The following PCDHGA4 variants were observed in gnomAD, a reference collection of about 807,000 sequenced individuals.
PCDHGA4 encodes protocadherin gamma subfamily A, 4, also known as protocadherin gamma-A4.
A neutral mutation model predicts 54.6 loss-of-function variants in PCDHGA4; 38 were observed. The observed-to-expected ratio is 0.70, with a 90% confidence interval of 0.54 to 0.91. PCDHGA4 has a LOEUF of 0.91. Among genes scored for constraint, PCDHGA4 ranks in the 40% least tolerant of loss-of-function variants. The pLI, the probability that PCDHGA4 is intolerant of heterozygous loss-of-function variation, is 0.00. For missense variants in PCDHGA4, 1,298 were observed against 1,220.9 expected (o/e 1.06, Z -0.94); for synonymous variants, 511 against 512.9 (o/e 1.00, Z 0.05).
intron 1 of PCDHGA4, chr5:141,419,596 G>T: frequency 6.2e-7 from 1 of 1,611,682 alleles, no homozygotes; most frequent in Non-Finnish European, 8.5e-7. Flanking sequence ...ACACAGTGCC[G>T]CGGGCCGCGC....
chr5:141,427,697 A>G (rs1306378691), intron 1 of PCDHGA4: 3 of 924,392 alleles, frequency 3.2e-6, no homozygotes, highest in South Asian at 1.4e-5. Context: ...CCATCCCACA[A>G]GTCAGCGCCT....
intron 1 of PCDHGA4, chr5:141,371,065 G>GT (rs1255340966): frequency 2.5e-6 from 4 of 1,613,804 alleles, no homozygotes; most frequent in Non-Finnish European, 2.5e-6. Flanking sequence ...TCCAGAAGCT[G>GT]TACCACCCAG....
chr5:141,370,950 C>G (rs78666647), intron 1 of PCDHGA4: 1 of 1,614,002 alleles, frequency 6.2e-7, no homozygotes, highest in South Asian at 1.1e-5. Flanking sequence ...GAAGGAGAAC[C>G]TGGATGGCAG....
chr5:141,403,956 T>A (rs375951516), intron 1 of PCDHGA4: 6 of 1,613,884 alleles, frequency 3.7e-6, no homozygotes, highest in Non-Finnish European at 5.1e-6. Flanking sequence ...AAAGTGCTCA[T>A]TTCGGTGGAA....
intron 1 of PCDHGA4, chr5:141,404,337 C>T (rs766940096): frequency 5.0e-6 from 8 of 1,613,902 alleles, no homozygotes; most frequent in Admixed American, 1.7e-5. Flanking sequence ...GTCTACCTCC[C>T]GGAAAACAAC....
At chr5:141,379,815 T>C (rs1489145506) in intron 1 of PCDHGA4, among the ~76,000 whole-genome samples, 2 of 150,388 alleles carry the variant, frequency 1.3e-5, no homozygotes, top group South Asian at 2.1e-4. Context: ...GAGTTCAGTA[T>C]AGAATTTTGA....
intron 1 of PCDHGA4, chr5:141,372,339 G>A (rs751001716): frequency 6.2e-7 from 1 of 1,613,798 alleles, no homozygotes; most frequent in South Asian, 1.1e-5. Flanking sequence ...TGTGCGTGAT[G>A]GAGGACAGCA....
At position 141,489,783 on chromosome 5, in the gene PCDHGA4, T is replaced by C; in HGVS notation, c.2515-5024T>C. The C allele has an allele frequency of 6.2e-7, 1 of 1,614,164 alleles. No individual in the cohort carries two copies. On this transcript the variant is annotated intron_variant, in intron 1 of 3. Transcript: ENST00000571252. The surrounding 1 kb of genome is among the most constrained non-coding windows in gnomAD (Gnocchi z 4.5). ...GCCCCAACAGCCACTTCTCTCTGAA[T>C]GTGAAGACCCTAAAAGATGGGAAGC... is the stretch of plus-strand genomic sequence containing the variant.
At chr5:141,403,721 C>G (rs748888364) in intron 1 of PCDHGA4, 2 of 1,613,872 alleles carry the variant, frequency 1.2e-6, no homozygotes, top group East Asian at 2.2e-5. Flanking sequence ...GAACGTGCCC[C>G]CAGGCACCTG....
chr5:141,371,078 C>T lies in PCDHGA4; in HGVS notation c.2514+13457C>T, dbSNP rs776361776. Reference sequence around the variant, plus strand: ...CCTCCAGAAGCTGTACCACCCAGATCAGGGTAATTGTCGCAGATGCAAATG... The same window carrying T: ...CCTCCAGAAGCTGTACCACCCAGATTAGGGTAATTGTCGCAGATGCAAATG... On this transcript the variant is annotated intron_variant, in intron 1 of 3. Transcript: ENST00000571252. 1.9e-6 allele frequency: 3 copies of T among 1,613,770 alleles called. No homozygotes were observed. In the African/African-American group the frequency reaches 4.0e-5, roughly 22 times the overall value.
chr5:141,384,337 G>A (rs370533196), intron 1 of PCDHGA4: 1 of 1,613,832 alleles, frequency 6.2e-7, no homozygotes, highest in Non-Finnish European at 8.5e-7. Flanking sequence ...ACAGGACCAC[G>A]ACAGTGAGGA....
chr5:141,417,830 G>C (rs2096166388), intron 1 of PCDHGA4: 1 of 1,527,028 alleles, frequency 6.5e-7, no homozygotes, highest in African/African-American at 1.4e-5. Flanking sequence ...AACTGGAAAA[G>C]CGGGGACCCA....
chr5:141,415,293 C>G, intron 1 of PCDHGA4: 1 of 1,614,192 alleles, frequency 6.2e-7, no homozygotes, highest in Non-Finnish European at 8.5e-7. Flanking sequence ...CGGTCTCCTG[C>G]GTCTTCCTGG....
chr5:141,487,748 T>A lies in PCDHGA4; in HGVS notation c.2515-7059T>A, dbSNP rs1458153935. ...TGTCACCATTTTTGTAAGAGGTAACTATGTGGTAGACGCTGTGCTTTGTAA... is the reference window on the plus strand; with the variant it reads ...TGTCACCATTTTTGTAAGAGGTAACAATGTGGTAGACGCTGTGCTTTGTAA... On this transcript the variant is annotated intron_variant, in intron 1 of 3. Transcript: ENST00000571252. This position sits in a 1 kb window ranked among gnomAD's most constrained non-coding sequence, Gnocchi z 5.0. 6.4e-7 allele frequency: 1 copy of A among 1,557,554 alleles called. No homozygotes were observed. The highest frequency in any genetic ancestry group is 1.2e-5 in the South Asian group (1 of 84,814).
At chr5:141,407,261 C>G (rs1396861077) in intron 1 of PCDHGA4, among the ~76,000 whole-genome samples, 1 of 152,128 alleles carries the variant, frequency 6.6e-6, no homozygotes, top group Non-Finnish European at 1.5e-5. Flanking sequence ...TATTTTTAAC[C>G]ATGCAACAAG....
chr5:141,447,919 C>G (rs940570932), intron 1 of PCDHGA4, among the ~76,000 whole-genome samples: 2 of 152,012 alleles, frequency 1.3e-5, no homozygotes, highest in East Asian at 1.9e-4. Context: ...AACTCTGTCT[C>G]CACTAAAAAT....
At chr5:141,374,566 T>C (rs368553948) in intron 1 of PCDHGA4, 21 of 1,613,582 alleles carry the variant, frequency 1.3e-5, no homozygotes, top group South Asian at 3.3e-5. Flanking sequence ...ATGACCCTGA[T>C]GTGGGAATGA....
intron 1 of PCDHGA4, among the ~76,000 whole-genome samples, chr5:141,429,564 C>A (rs995466828): frequency 2.0e-5 from 3 of 152,092 alleles, no homozygotes; most frequent in African/African-American, 7.2e-5. Flanking sequence ...TGATAATATT[C>A]AGTTACATTT....
chr5:141,355,325 G>A lies in PCDHGA4; in HGVS notation c.218G>A (p.Gly73Asp). Residue 73 changes from glycine to aspartate, a missense_variant, in exon 1 of 4, where the codon GGC becomes GAC. By Grantham distance (94) the Gly-to-Asp change is moderately conservative. Coordinates refer to ENST00000571252, the MANE Select transcript of PCDHGA4 (RefSeq NM_018917.4). The stretch of plus-strand genomic sequence containing the variant: ...TCGGTGTTTGAGGAGCAGGAAGAAG[G>A]CTCAGTGGTGGGCAACATCGCCAAG... Reference protein sequence around the residue: ...LYSVFEEQEEGSVVGNIAKDL... With the variant: ...LYSVFEEQEEDSVVGNIAKDL... 6.2e-7 allele frequency: 1 copy of A among 1,614,010 alleles called. No homozygotes were observed. Among genetic ancestry groups the A allele is most frequent in the Non-Finnish European group, 8.5e-7 (1 of 1,179,912 alleles).
Sources: gnomAD v4.1 joint callset for allele counts (sites outside exome capture counted in the v4.1 genomes callset) on GRCh38, gnomAD v4.1.1 for gene constraint, Gnocchi (gnomAD v3.1) non-coding constraint, MANE v1.5 for transcripts, NCBI Gene and HGNC (gene_info 2026-07-23, HGNC 2026-07-21) for gene names.